The following GHR variants were observed in gnomAD, a reference collection of about 807,000 sequenced individuals.
GHR encodes growth hormone receptor, also known as GH receptor.
GHR carries 35 observed loss-of-function variants against 67.1 expected under a neutral mutation model. The ratio of observed to expected loss-of-function variants is 0.52; its 90% CI spans 0.40 to 0.69. The LOEUF (loss-of-function observed/expected upper bound fraction) is 0.69. Among genes scored for constraint, GHR ranks in the 30% least tolerant of loss-of-function variants. The pLI is 0.00. For missense variants in GHR, 792 were observed against 764.6 expected, an observed-to-expected ratio of 1.04 and a Z score of -0.42; for synonymous variants, 272 against 269.1, an observed-to-expected ratio of 1.01 and a Z score of -0.10.
intron 3 of GHR, among the ~76,000 whole-genome samples, chr5:42,668,427 C>T (rs1756104567): frequency 6.6e-6 from 1 of 152,084 alleles, no homozygotes; most frequent in South Asian, 2.1e-4. Flanking sequence ...CCTCAACCCA[C>T]TAGATGCCAG....
chr5:42,709,112 G>A (rs183732872), intron 6 of GHR, among the ~76,000 whole-genome samples: 1 of 152,168 alleles, frequency 6.6e-6, no homozygotes, highest in African/African-American at 2.4e-5. Flanking sequence ...TTACCATTTG[G>A]CAATATGAAT....
intron 1 of GHR, chr5:42,467,755 A>T (rs774833449): frequency 6.5e-7 from 1 of 1,545,656 alleles, no homozygotes; most frequent in Admixed American, 1.7e-5. Context: ...CTGATGCACA[A>T]CGAGGTTTGC....
chr5:42,577,762 A>G (rs35456819), intron 2 of GHR, among the ~76,000 whole-genome samples: 161 of 152,330 alleles, frequency 1.1e-3, no homozygotes, highest in African/African-American at 3.8e-3. Flanking sequence ...TGCTAGCTAC[A>G]CCCAAGAGCC....
intron 3 of GHR, 93 bp from the exon 4 acceptor site, chr5:42,688,797 A>T: frequency 1.7e-6 from 2 of 1,151,316 alleles, no homozygotes; most frequent in Non-Finnish European, 2.6e-6. Flanking sequence ...GCTTCATCCC[A>T]GTAGTTTCTT....
intron 9 of GHR, 138 bp from the exon 10 acceptor site, chr5:42,718,315 A>G (rs1758823528): frequency 2.7e-6 from 2 of 747,804 alleles, no homozygotes; most frequent in East Asian, 2.8e-5. Flanking sequence ...AAAGTTACAC[A>G]CTAATTTATG....
chr5:42,604,690 A>G (rs76143799), intron 2 of GHR, among the ~76,000 whole-genome samples: 3,451 of 144,152 alleles, frequency 0.024, 134 homozygotes, highest in African/African-American at 0.086. Context: ...GGAACTGTGG[A>G]CAAAGTAATA....
At chr5:42,539,798 C>A (rs1216060204) in intron 1 of GHR, among the ~76,000 whole-genome samples, 1 of 152,046 alleles carries the variant, frequency 6.6e-6, no homozygotes, top group East Asian at 1.9e-4. Flanking sequence ...TTAAAATTTT[C>A]TCTCCCAACA....
At chr5:42,645,796 T>C (rs1754700850) in intron 3 of GHR, among the ~76,000 whole-genome samples, 1 of 152,218 alleles carries the variant, frequency 6.6e-6, no homozygotes, top group African/African-American at 2.4e-5. Context: ...AAAATGTATT[T>C]TATTTCAAGG....
intron 2 of GHR, among the ~76,000 whole-genome samples, chr5:42,619,494 T>A (rs928398945): frequency 6.6e-6 from 1 of 152,104 alleles, no homozygotes; most frequent in Non-Finnish European, 1.5e-5. Flanking sequence ...CACATCTATT[T>A]CCTTATGTGT....
chr5:42,632,270 G>A (rs1274549293), intron 3 of GHR, among the ~76,000 whole-genome samples: 2 of 151,906 alleles, frequency 1.3e-5, no homozygotes, highest in Non-Finnish European at 2.9e-5. Flanking sequence ...ACCCCATCCT[G>A]GATTCTGTAA....
At chr5:42,460,085 A>G (rs538099674) in intron 1 of GHR, among the ~76,000 whole-genome samples, 1 of 152,270 alleles carries the variant, frequency 6.6e-6, no homozygotes, top group East Asian at 1.9e-4. Context: ...TGGTGCTCTT[A>G]CAAGAAGAGG....
intron 1 of GHR, among the ~76,000 whole-genome samples, chr5:42,479,732 T>C (rs932968093): frequency 6.6e-6 from 1 of 152,212 alleles, no homozygotes; most frequent in African/African-American, 2.4e-5. Flanking sequence ...GGTGGTGATA[T>C]CCCCTTTATC....
intron 3 of GHR, among the ~76,000 whole-genome samples, chr5:42,654,199 T>C (rs1158467222): frequency 6.6e-6 from 1 of 152,176 alleles, no homozygotes; most frequent in Non-Finnish European, 1.5e-5. Flanking sequence ...ACTGAATGAA[T>C]GTAGGTAAGA....
At chr5:42,437,845 C>T (rs1289341185) in intron 1 of GHR, among the ~76,000 whole-genome samples, 6 of 150,668 alleles carry the variant, frequency 4.0e-5, no homozygotes, top group African/African-American at 1.2e-4. Context: ...TGTGAGGCAC[C>T]GTGCCGAGCC....
At chr5:42,496,283 T>C (rs528284029) in intron 1 of GHR, among the ~76,000 whole-genome samples, 1 of 152,278 alleles carries the variant, frequency 6.6e-6, no homozygotes, top group South Asian at 2.1e-4. Flanking sequence ...CAAATTAAGG[T>C]CAAAAGTATT....
Position 42,423,775 on chromosome 5 carries a change from C to T in GHR, c.-192C>T. On this transcript the variant is annotated 5_prime_UTR_variant, in exon 1 of 10. Transcript: ENST00000230882. ...TGGGAAGAGGAGGAGGGCTAGGGAGCGGCGGCGGCGGCGGCAGCGGCAGCA... is the reference window on the plus strand; with the variant it reads ...TGGGAAGAGGAGGAGGGCTAGGGAGTGGCGGCGGCGGCGGCAGCGGCAGCA... 1 of 161,508 alleles carries T rather than the reference C, an allele frequency of 6.2e-6. No individual in the cohort carries two copies. Among genetic ancestry groups the T allele is most frequent in the Non-Finnish European group, 1.3e-5 (1 of 75,372 alleles). 10.0% of individuals were successfully genotyped at this position (161,508 alleles called of 1,614,324 possible).
intron 1 of GHR, among the ~76,000 whole-genome samples, chr5:42,510,946 G>A (rs1035430596): frequency 6.6e-6 from 1 of 152,152 alleles, no homozygotes; most frequent in Non-Finnish European, 1.5e-5. Context: ...TTCCTTTCCT[G>A]CTAAGGTTAT....
At chr5:42,468,207 GTGCACT>G in intron 1 of GHR, 1 of 1,442,772 alleles carries the variant, frequency 6.9e-7, no homozygotes, top group African/African-American at 1.4e-5. Flanking sequence ...TGTTCTCAGA[GTGCACT>G]TGTTGGCTGG....
At chr5:42,708,820 A>G (rs899143272) in intron 6 of GHR, among the ~76,000 whole-genome samples, 11 of 152,140 alleles carry the variant, frequency 7.2e-5, no homozygotes, top group Non-Finnish European at 1.3e-4. Context: ...ATATCCCAAC[A>G]TGGCTTTGTT....
Sources: allele counts gnomAD v4.1 joint callset (sites outside exome capture counted in the v4.1 genomes callset), GRCh38; gene constraint gnomAD v4.1.1; transcripts MANE v1.5; gene names NCBI Gene and HGNC (gene_info 2026-07-23, HGNC 2026-07-21).